The following CNTNAP2 variants were observed in gnomAD, a reference collection of about 807,000 sequenced individuals.
CNTNAP2 encodes the protein contactin-associated protein-like 2.
A neutral mutation model predicts 155.2 loss-of-function variants in CNTNAP2; 98 were observed. The observed-to-expected ratio is 0.63, with a 90% CI of 0.54 to 0.75. The LOEUF (loss-of-function observed/expected upper bound fraction) is 0.75. CNTNAP2 is among the 30% of genes least tolerant of loss of function. The probability of loss-of-function intolerance (pLI) is 0.00; values close to 1 mark genes in which losing one functional copy is unlikely to be tolerated. For synonymous variants in CNTNAP2, 651 were observed against 631.2 expected (o/e 1.03, Z -0.47); for missense variants, 1,727 against 1,688.1 (o/e 1.02, Z -0.40).
intron 1 of CNTNAP2, among the ~76,000 whole-genome samples, chr7:146,131,837 G>T (rs1407470525): frequency 6.6e-6 from 1 of 152,042 alleles, no homozygotes; most frequent in African/African-American, 2.4e-5. Context: ...TTATGAGCGC[G>T]GTTTCCCCCA....
intron 1 of CNTNAP2, among the ~76,000 whole-genome samples, chr7:146,200,632 A>G (rs1393511723): frequency 6.6e-6 from 1 of 152,172 alleles, no homozygotes; most frequent in Non-Finnish European, 1.5e-5. Flanking sequence ...TCTCTACAGT[A>G]TCCAGGAGAG....
At chr7:147,617,322 G>A (rs1801312445) in intron 12 of CNTNAP2, among the ~76,000 whole-genome samples, 2 of 152,038 alleles carry the variant, frequency 1.3e-5, no homozygotes, top group Non-Finnish European at 2.9e-5. Flanking sequence ...TCCTCTAACT[G>A]CCACTGGACC....
chr7:146,297,877 G>C (rs1035605953), intron 1 of CNTNAP2, among the ~76,000 whole-genome samples: 3 of 152,234 alleles, frequency 2.0e-5, no homozygotes, highest in African/African-American at 7.2e-5. Context: ...ATGTGAATGT[G>C]TGTACCCTTG....
At chr7:146,407,198 T>C (rs993065787) in intron 1 of CNTNAP2, among the ~76,000 whole-genome samples, 1 of 152,188 alleles carries the variant, frequency 6.6e-6, no homozygotes, top group Admixed American at 6.5e-5. Flanking sequence ...TGAATAACTT[T>C]ATTATTTCCA....
chr7:146,852,863 T>A (rs7798913), intron 3 of CNTNAP2, among the ~76,000 whole-genome samples: 1 of 152,082 alleles, frequency 6.6e-6, no homozygotes, highest in African/African-American at 2.4e-5. Context: ...TTGCCCAGGG[T>A]GAAGTCGTTG....
At chr7:147,055,457 C>T (rs1563059578) in intron 4 of CNTNAP2, among the ~76,000 whole-genome samples, 1 of 150,284 alleles carries the variant, frequency 6.7e-6, no homozygotes. Flanking sequence ...CTTTGCTTGT[C>T]CCTCTGTTTT....
In CNTNAP2 at chr7:147,242,987, A is replaced by ATTTTTTTTTTTTTTTTT. The variant is rs766917054; in HGVS notation, c.1349-57141_1349-57125dup. On this transcript the variant is annotated intron_variant, in intron 8 of 23. Transcript: ENST00000361727. Reference sequence around the variant, plus strand: ...TGTTGTATTCCACACTATGCTTTGCATTTTTTTTTTTTTTTTTTTTTTTTT... The same window carrying ATTTTTTTTTTTTTTTTT: ...TGTTGTATTCCACACTATGCTTTGCATTTTTTTTTTTTTTTTTTTTTTTTTTTTTTTTTTTTTTTTTT... Among the ~76,000 whole-genome samples the ATTTTTTTTTTTTTTTTT allele has an allele frequency of 9.1e-4, 43 of 47,166 alleles. 13 individuals are homozygous for ATTTTTTTTTTTTTTTTT. The highest frequency in any genetic ancestry group is 6.5e-3 in the South Asian group (5 of 770). The allele number at this position is 47,166 out of a possible 152,430, so 30.9% of individuals were successfully genotyped here. A position where few individuals can be genotyped will look rare whatever the true frequency, so the allele number is the denominator to read the frequency against.
intron 10 of CNTNAP2, among the ~76,000 whole-genome samples, chr7:147,406,134 T>C (rs1464703194): frequency 1.3e-5 from 2 of 152,210 alleles, no homozygotes; most frequent in African/African-American, 4.8e-5. Flanking sequence ...GGAGAGTTCA[T>C]TATTTCTTTT....
At chr7:147,527,015 C>CTTTTTTTTT (rs888976222) in intron 11 of CNTNAP2, among the ~76,000 whole-genome samples, 5 of 65,162 alleles carry the variant, frequency 7.7e-5, no homozygotes, top group African/African-American at 3.9e-4. Context: ...ACAGGCATTT[C>CTTTTTTTTT]TTTTTTTTTT....
At chr7:146,928,068 G>T (rs755391611) in intron 3 of CNTNAP2, among the ~76,000 whole-genome samples, 8 of 151,448 alleles carry the variant, frequency 5.3e-5, no homozygotes, top group Admixed American at 6.6e-5. Context: ...ATTCTTCACT[G>T]CCTGGGCTGG....
At chr7:147,638,387 C>T (rs191900227) in intron 12 of CNTNAP2, among the ~76,000 whole-genome samples, 79 of 152,262 alleles carry the variant, frequency 5.2e-4, no homozygotes, top group Non-Finnish European at 8.8e-4. Context: ...AAGACATATG[C>T]CACATTTAAA....
intron 16 of CNTNAP2, among the ~76,000 whole-genome samples, chr7:148,126,623 G>A (rs563494742): frequency 6.6e-6 from 1 of 152,350 alleles, no homozygotes; most frequent in South Asian, 2.1e-4. Flanking sequence ...GGCCAGAGTA[G>A]TGTTGGTTGG....
At chr7:147,110,806 TG>T in intron 5 of CNTNAP2, among the ~76,000 whole-genome samples, 2 of 152,322 alleles carry the variant, frequency 1.3e-5, no homozygotes, top group Non-Finnish European at 1.5e-5. Context: ...TTCATGTCTT[TG>T]CTATTGTGAA....
In CNTNAP2 at chr7:146,630,343, ATGG is replaced by A. The variant is rs1585014971; in HGVS notation, c.98-143925_98-143923del. Among the ~76,000 whole-genome samples the A allele has an allele frequency of 2.0e-5, 3 of 152,256 alleles. 1 individual carries two copies. In the East Asian group the frequency reaches 5.8e-4, roughly 29 times the overall value. On this transcript the variant is annotated intron_variant, in intron 1 of 23. Coordinates refer to ENST00000361727, the MANE Select transcript of CNTNAP2 (RefSeq NM_014141.6). ...CTTTTTTACGGCTGCATAGTATTCC[ATGG>A]TGCATATGTGCCACCTTTTCTTTAT...
intron 6 of CNTNAP2, among the ~76,000 whole-genome samples, chr7:147,125,150 G>A (rs551186326): frequency 6.6e-6 from 1 of 152,104 alleles, no homozygotes; most frequent in South Asian, 2.1e-4. Flanking sequence ...AAAGTGCTGG[G>A]ATTACAGGTG....
intron 1 of CNTNAP2, among the ~76,000 whole-genome samples, chr7:146,212,473 G>T (rs752939798): frequency 6.6e-6 from 1 of 152,072 alleles, no homozygotes; most frequent in Non-Finnish European, 1.5e-5. Context: ...TCATCTGGAC[G>T]TATAATGATT....
intron 18 of CNTNAP2, among the ~76,000 whole-genome samples, chr7:148,213,115 A>G (rs753703256): frequency 8.5e-5 from 13 of 152,120 alleles, no homozygotes; most frequent in Non-Finnish European, 1.3e-4. Context: ...TTCGTGCCCC[A>G]TCAGGTACAC....
chr7:148,071,564 G>C (rs1443295953), intron 15 of CNTNAP2, among the ~76,000 whole-genome samples: 1 of 152,160 alleles, frequency 6.6e-6, no homozygotes, highest in Non-Finnish European at 1.5e-5. Flanking sequence ...ATGTCTTGAG[G>C]AAGGTGCGAA....
intron 12 of CNTNAP2, among the ~76,000 whole-genome samples, chr7:147,566,374 A>C (rs1378343490): frequency 1.1e-4 from 1 of 9,358 alleles, no homozygotes; most frequent in Non-Finnish European, 2.2e-4. Context: ...GAAGGGGAGA[A>C]GGGGGGTGGG....
Sources: allele counts gnomAD v4.1 joint callset (sites outside exome capture counted in the v4.1 genomes callset), GRCh38; gene constraint gnomAD v4.1.1; transcripts MANE v1.5; gene names NCBI Gene and HGNC (gene_info 2026-07-23, HGNC 2026-07-21).